ITLN2: variants seen among roughly 807,000 people sequenced by gnomAD.
ITLN2 encodes intelectin 2.
ITLN2 carries 29 observed loss-of-function variants against 39.4 expected under a neutral mutation model. The observed-to-expected ratio is 0.74, with a 90% confidence interval of 0.55 to 1.00. The LOEUF is 1.00. Ranked by LOEUF, ITLN2 falls within the 50% of genes least tolerant of loss-of-function variation. ITLN2 has a pLI of 0.00. For synonymous variants in ITLN2, 156 were observed against 153.4 expected (o/e 1.02, Z -0.12); for missense variants, 412 against 416.7 (o/e 0.99, Z 0.10).
chr1:160,950,610 G>T lies in ITLN2; in HGVS notation c.543C>A (p.Tyr181Ter). The change falls in exon 5 of 8, where the codon TAC (tyrosine) becomes TAA (stop). Residue 181 changes from tyrosine (Y) to a stop codon, truncating the protein, a stop_gained. Coordinates refer to ENST00000368029, the MANE Select transcript of ITLN2 (RefSeq NM_080878.3). LOFTEE classifies it high-confidence loss of function. ...TCTGGAGGAAGCCAGTGTTGGTGCG[G>T]TACCTCAGCAGGGCGCTGTTTCTCC... The part of the protein sequence containing the change: ...QHWRNSALLR[Y>*]RTNTGFLQRL... 1 of 1,614,234 alleles carries T rather than the reference G, an allele frequency of 6.2e-7. No individual in the cohort carries two copies. The highest frequency in any genetic ancestry group is 8.5e-7 in the Non-Finnish European group (1 of 1,180,048).
intron 7 of ITLN2, among the ~76,000 whole-genome samples, chr1:160,946,669 C>T (rs544949883): frequency 2.7e-5 from 4 of 150,302 alleles, no homozygotes; most frequent in East Asian, 3.9e-4. Flanking sequence ...GCTGAGATCG[C>T]GCCACTGCAC....
At chr1:160,951,861 C>T (rs563170088) in intron 3 of ITLN2, among the ~76,000 whole-genome samples, 33 of 152,334 alleles carry the variant, frequency 2.2e-4, no homozygotes, top group Middle Eastern at 6.8e-3. Flanking sequence ...AACAAGGTCA[C>T]TTCTCACCCC....
rs370258046 is a variant in ITLN2 at position 160,948,043 on chromosome 1, A to C, written c.722-11T>G. 1.2e-6 allele frequency: 2 copies of C among 1,609,426 alleles called. No individual in the cohort carries two copies. The highest frequency in any genetic ancestry group is 8.5e-7 in the Non-Finnish European group (1 of 1,175,816). On this transcript the variant is annotated splice_polypyrimidine_tract_variant and intron_variant, in intron 6 of 7. Coordinates refer to ENST00000368029, the MANE Select transcript of ITLN2 (RefSeq NM_080878.3). ...CTGCAACAAATTCCCCTGAAAAAGA[A>C]GAGGTGAAGAAACAGCCAAGTAGTC...
intron 4 of ITLN2, 126 bp downstream of exon 4, chr1:160,950,917 T>A: frequency 1.3e-6 from 2 of 1,551,408 alleles, no homozygotes; most frequent in Non-Finnish European, 1.8e-6. Flanking sequence ...ATTCAAGTCC[T>A]GTATTTCTCT....
chr1:160,951,107 TC>T lies in ITLN2; in HGVS notation c.376del (p.Asp126MetfsTer54). 2 of 1,614,082 alleles carry T rather than the reference TC, an allele frequency of 1.2e-6. No individual in the cohort carries two copies. The highest frequency in any genetic ancestry group is 1.1e-5 in the South Asian group (1 of 91,086). On this transcript the variant is annotated frameshift_variant, in exon 4 of 8. Coordinates refer to ENST00000368029, the MANE Select transcript of ITLN2 (RefSeq NM_080878.3). LOFTEE classifies it high-confidence loss of function. ...GGTGTTGTAGTTGGCCCAGTTGCCA[TC>T]CCCCTCTGGGTAGTCTGCTTTGTTG... ...QGNKADYPEG[D>X]GNWANYNTFG... is the part of the protein sequence containing the mutation.
At chr1:160,950,782 C>T (rs1671724141) in intron 4 of ITLN2, 71 bp from the exon 5 acceptor site, 1 of 1,561,250 alleles carries the variant, frequency 6.4e-7, no homozygotes, top group Non-Finnish European at 8.7e-7. Flanking sequence ...ACATGTGCAG[C>T]CTCAGCTGGG....
chr1:160,951,031 A>T lies in ITLN2; in HGVS notation c.441+12T>A. ...CTCACCCTCACCCAAGTAGGAGAGA[A>T]GTGGCACCAACCTTGTAGTCATCGC... On this transcript the variant is annotated intron_variant, in intron 4 of 7. Coordinates refer to ENST00000368029, the MANE Select transcript of ITLN2 (RefSeq NM_080878.3). 1 of 1,614,160 alleles carries T rather than the reference A, an allele frequency of 6.2e-7. No homozygotes were observed. Among genetic ancestry groups the T allele is most frequent in the Non-Finnish European group, 8.5e-7 (1 of 1,180,020 alleles).
At chr1:160,949,790 C>A in intron 6 of ITLN2, 1 of 394,596 alleles carries the variant, frequency 2.5e-6, no homozygotes, top group Non-Finnish European at 4.6e-6. Context: ...CTTTTCCCCA[C>A]AATTATAAGA....
intron 6 of ITLN2, chr1:160,948,942 A>G (rs940828128): frequency 6.6e-6 from 1 of 152,170 alleles, no homozygotes; most frequent in Non-Finnish European, 1.5e-5. Flanking sequence ...GGCCCAGGGG[A>G]CTGGCGCTCA....
intron 7 of ITLN2, among the ~76,000 whole-genome samples, chr1:160,946,986 A>T (rs967179517): frequency 2.0e-5 from 3 of 152,308 alleles, no homozygotes; most frequent in South Asian, 2.1e-4. Flanking sequence ...AGACACAGAG[A>T]CAAAGTATAG....
chr1:160,945,964 A>G (rs1671591253), intron 7 of ITLN2, among the ~76,000 whole-genome samples: 2 of 152,170 alleles, frequency 1.3e-5, no homozygotes, highest in South Asian at 2.1e-4. Flanking sequence ...GAAAACATTA[A>G]AAGTACTAAC....
At chr1:160,950,867 C>A (rs1671725871) in intron 4 of ITLN2, 156 bp from the exon 5 acceptor site, 3 of 1,457,932 alleles carry the variant, frequency 2.1e-6, no homozygotes, top group Non-Finnish European at 2.8e-6. Context: ...GATCCCACCA[C>A]CACCCAGGGC....
Position 160,948,012 on chromosome 1 carries a change from C to T in ITLN2, c.742G>A (p.Val248Ile), listed in dbSNP as rs770690161. 3.3e-5 allele frequency: 53 copies of T among 1,613,844 alleles called. No homozygotes were observed. The highest frequency in any genetic ancestry group is 3.3e-4 in the Middle Eastern group (2 of 6,084). Residue 248 changes from valine (V) to isoleucine (I), a missense_variant, in exon 7 of 8, where the codon GTT becomes ATT. Physicochemically the swap from Val to Ile is conservative, Grantham distance 29 (BLOSUM62 3). Transcript: ENST00000368029. ...TCGTTATTAAACACCCGGAACTGAA[C>T]GAATCCTGCAACAAATTCCCCTGAA... ...YGQREFVAGF[V>I]QFRVFNNERA...
chr1:160,952,763 A>T (rs1236063318), intron 2 of ITLN2, 30 bp from the exon 3 acceptor site: 1 of 1,509,538 alleles, frequency 6.6e-7, no homozygotes, highest in South Asian at 1.1e-5. Flanking sequence ...GTCTCATTAG[A>T]AGTCTGACCA....
rs1671713578 is a variant in ITLN2, at chr1:160,950,444, C to A, written c.600+109G>T. 7 of 1,342,460 alleles carry A rather than the reference C, an allele frequency of 5.2e-6. No individual in the cohort carries two copies. The South Asian group carries it at 8.3e-5, about 16-fold the overall frequency. 83.2% of individuals were successfully genotyped at this position (1,342,460 alleles called of 1,614,324 possible). Reference sequence around the variant, plus strand: ...GTGAATCAAAGGAAGGAGAAACAGCCAACCACTCAGTAGTGATGTGGAACC... The same window carrying A: ...GTGAATCAAAGGAAGGAGAAACAGCAAACCACTCAGTAGTGATGTGGAACC... On this transcript the variant is annotated intron_variant, in intron 5 of 7. Coordinates refer to ENST00000368029, the MANE Select transcript of ITLN2 (RefSeq NM_080878.3).
intron 3 of ITLN2, 109 bp from the exon 4 acceptor site, chr1:160,951,399 A>G: frequency 1.4e-6 from 2 of 1,396,238 alleles, no homozygotes; most frequent in Non-Finnish European, 1.9e-6. Context: ...GAAGACTCCA[A>G]CACATACTTG....
chr1:160,951,059 G>A lies in ITLN2; in HGVS notation c.425C>T (p.Thr142Met), dbSNP rs775080767. The A allele has an allele frequency of 8.1e-6, 13 of 1,614,146 alleles. No homozygotes were observed. Among genetic ancestry groups the A allele is most frequent in the Middle Eastern group, 3.3e-4 (2 of 6,062 alleles). Residue 142 changes from threonine to methionine, a missense_variant, in exon 4 of 8, where the codon ACG becomes ATG. By Grantham distance (81) the Thr-to-Met change is moderately conservative (BLOSUM62 -1). Transcript: ENST00000368029. ...YNTFGSAEAA[T>M]SDDYKNPGYY... is the part of the protein sequence containing the mutation. ...GGCACCAACCTTGTAGTCATCGCTC[G>A]TGGCCGCCTCTGCAGATCCAAAGGT...
intron 5 of ITLN2, 37 bp from the exon 6 acceptor site, chr1:160,950,203 T>A: frequency 6.2e-7 from 1 of 1,609,086 alleles, no homozygotes; most frequent in Non-Finnish European, 8.5e-7. Flanking sequence ...GTGAGGACAG[T>A]AGAGATGCTG....
intron 1 of ITLN2, 50 bp downstream of exon 1, chr1:160,954,677 G>C (rs1396773433): frequency 6.2e-7 from 1 of 1,605,424 alleles, no homozygotes; most frequent in South Asian, 1.1e-5. Flanking sequence ...ACTGAGACCT[G>C]AGCTGGCATC....
Sources: allele counts gnomAD v4.1 joint callset (sites outside exome capture counted in the v4.1 genomes callset), GRCh38; gene constraint gnomAD v4.1.1; transcripts MANE v1.5; gene names NCBI Gene and HGNC (gene_info 2026-07-23, HGNC 2026-07-21).